Variants in MTHFD2L observed in about 807,000 individuals in gnomAD.
MTHFD2L encodes the protein bifunctional methylenetetrahydrofolate dehydrogenase/cyclohydrolase 2, mitochondrial.
A neutral mutation model predicts 34.9 loss-of-function variants in MTHFD2L; 29 were observed. The ratio of observed to expected loss-of-function variants is 0.83; its 90% CI spans 0.62 to 1.13. MTHFD2L has a LOEUF of 1.13. MTHFD2L is among the 50% of genes most tolerant of loss of function. The pLI, the probability that MTHFD2L is intolerant of heterozygous loss-of-function variation, is 0.00. For synonymous variants in MTHFD2L, 167 were observed against 155.7 expected, an observed-to-expected ratio of 1.07 and a Z score of -0.54; for missense variants, 481 against 446.5, an observed-to-expected ratio of 1.08 and a Z score of -0.70.
chr4:74,219,064 G>A (rs1035356496), intron 5 of MTHFD2L, among the ~76,000 whole-genome samples: 3 of 151,964 alleles, frequency 2.0e-5, no homozygotes, highest in African/African-American at 7.2e-5. Flanking sequence ...TAAGTAATAA[G>A]TAATCTAAAG....
intron 5 of MTHFD2L, among the ~76,000 whole-genome samples, chr4:74,202,567 G>C (rs1231364391): frequency 6.6e-6 from 1 of 152,188 alleles, no homozygotes; most frequent in Non-Finnish European, 1.5e-5. Context: ...CAGTGCTGTG[G>C]GAGGAGGGCA....
intron 6 of MTHFD2L, among the ~76,000 whole-genome samples, chr4:74,244,954 G>A (rs1742205295): frequency 6.6e-6 from 1 of 152,018 alleles, no homozygotes; most frequent in African/African-American, 2.4e-5. Flanking sequence ...CAGCACTTTG[G>A]GAGGCCGAGG....
intron 7 of MTHFD2L, among the ~76,000 whole-genome samples, chr4:74,282,375 C>A (rs1351921649): frequency 2.0e-5 from 3 of 149,896 alleles, no homozygotes; most frequent in Non-Finnish European, 4.4e-5. Flanking sequence ...AAATACAGTG[C>A]CACATCAAGA....
At chr4:74,269,170 A>G (rs964310809) in intron 6 of MTHFD2L, among the ~76,000 whole-genome samples, 3 of 152,174 alleles carry the variant, frequency 2.0e-5, no homozygotes, top group African/African-American at 7.2e-5. Context: ...TTTTACTCTA[A>G]TATTATCATC....
intron 1 of MTHFD2L, chr4:74,143,544 C>A: frequency 6.9e-6 from 3 of 436,440 alleles, no homozygotes; most frequent in Non-Finnish European, 9.1e-6. Flanking sequence ...GAACCCATGT[C>A]AGCCAAAGCA....
At chr4:74,198,237 G>A (rs553526930) in intron 3 of MTHFD2L, among the ~76,000 whole-genome samples, 4 of 152,272 alleles carry the variant, frequency 2.6e-5, no homozygotes, top group South Asian at 4.1e-4. Flanking sequence ...TTCAGCTGGT[G>A]TGTGAACTGA....
chr4:74,200,312 AAAAAC>A (rs1734209842), intron 4 of MTHFD2L, among the ~76,000 whole-genome samples: 1 of 152,076 alleles, frequency 6.6e-6, no homozygotes, highest in African/African-American at 2.4e-5. Flanking sequence ...ACTCTGTCTC[AAAAAC>A]AAAACAAAAC....
chr4:74,151,681 A>T (rs1336988452), intron 1 of MTHFD2L, among the ~76,000 whole-genome samples: 1 of 152,208 alleles, frequency 6.6e-6, no homozygotes, highest in Non-Finnish European at 1.5e-5. Context: ...ATTATATTAA[A>T]TCTTCCCCCA....
intron 5 of MTHFD2L, among the ~76,000 whole-genome samples, chr4:74,202,303 G>C (rs1734578780): frequency 6.6e-6 from 1 of 152,198 alleles, no homozygotes; most frequent in Non-Finnish European, 1.5e-5. Flanking sequence ...AAACAAGCTA[G>C]TTAGGTAAAC....
At chr4:74,284,890 C>T (rs774155717) in intron 7 of MTHFD2L, among the ~76,000 whole-genome samples, 28 of 152,052 alleles carry the variant, frequency 1.8e-4, no homozygotes, top group Admixed American at 1.4e-3. Context: ...CACATGCACA[C>T]GTATGTTTAT....
chr4:74,292,185 A>G (rs1749047437), intron 7 of MTHFD2L, among the ~76,000 whole-genome samples: 1 of 152,232 alleles, frequency 6.6e-6, no homozygotes, highest in Non-Finnish European at 1.5e-5. Flanking sequence ...CAACATGGAC[A>G]GAATGGTTAC....
At chr4:74,223,813 T>A (rs1322553724) in intron 5 of MTHFD2L, among the ~76,000 whole-genome samples, 2 of 152,064 alleles carry the variant, frequency 1.3e-5, no homozygotes, top group African/African-American at 2.4e-5. Context: ...TTTTTAAAAA[T>A]TTGCATATGG....
intron 5 of MTHFD2L, among the ~76,000 whole-genome samples, chr4:74,221,230 A>T (rs995467753): frequency 6.6e-6 from 1 of 151,448 alleles, no homozygotes; most frequent in African/African-American, 2.4e-5. Flanking sequence ...TTTTCTTTGT[A>T]ACCAAGTTTA....
At chr4:74,245,499 T>C (rs908387153) in intron 6 of MTHFD2L, among the ~76,000 whole-genome samples, 2 of 152,106 alleles carry the variant, frequency 1.3e-5, no homozygotes, top group African/African-American at 2.4e-5. Flanking sequence ...TATTATACTT[T>C]AAGTTTTAGG....
At chr4:74,138,217 T>C (rs1723068324) in intron 1 of MTHFD2L, among the ~76,000 whole-genome samples, 1 of 152,120 alleles carries the variant, frequency 6.6e-6, no homozygotes. Context: ...GGCTCCTCCT[T>C]TGCTATTATT....
At chr4:74,144,875 G>T (rs1038924238) in intron 1 of MTHFD2L, among the ~76,000 whole-genome samples, 7 of 152,118 alleles carry the variant, frequency 4.6e-5, no homozygotes, top group Admixed American at 3.3e-4. Flanking sequence ...TAAGAAAGAA[G>T]TAGAATTGTA....
intron 6 of MTHFD2L, among the ~76,000 whole-genome samples, chr4:74,229,806 C>A (rs1739731154): frequency 6.6e-6 from 1 of 152,134 alleles, no homozygotes; most frequent in Non-Finnish European, 1.5e-5. Flanking sequence ...TAAGTAGCTT[C>A]AAGTCCCTAC....
upstream of MTHFD2L, among the ~76,000 whole-genome samples, chr4:74,154,713 A>T (rs982148917): frequency 2.0e-5 from 3 of 151,966 alleles, no homozygotes; most frequent in Non-Finnish European, 4.4e-5. Context: ...AGAATCAGCA[A>T]TTTTTCCAAG....
At chr4:74,164,194 A>G (rs957233918) in intron 1 of MTHFD2L, among the ~76,000 whole-genome samples, 1 of 152,164 alleles carries the variant, frequency 6.6e-6, no homozygotes, top group Admixed American at 6.5e-5. Flanking sequence ...TCAACATTAT[A>G]GAGATAAAAT....
Sources: gnomAD v4.1 joint callset for allele counts (sites outside exome capture counted in the v4.1 genomes callset) on GRCh38, gnomAD v4.1.1 for gene constraint, MANE v1.5 for transcripts, NCBI Gene and HGNC (gene_info 2026-07-23, HGNC 2026-07-21) for gene names.